Variants in FIBCD1 observed in about 807,000 individuals in gnomAD.
The protein encoded by FIBCD1 is fibrinogen C domain-containing protein 1.
A neutral mutation model predicts 45.1 loss-of-function variants in FIBCD1; 47 were observed. The observed-to-expected ratio is 1.04, with a 90% CI of 0.82 to 1.33. FIBCD1 has a LOEUF of 1.33. Ranked by LOEUF, FIBCD1 falls within the 40% of genes most tolerant of loss-of-function variation. FIBCD1 has a pLI of 0.00. For missense variants in FIBCD1, 653 were observed against 682.2 expected (o/e 0.96, Z 0.48); for synonymous variants, 313 against 308.1 (o/e 1.02, Z -0.17).
intron 5 of FIBCD1, among the ~76,000 whole-genome samples, chr9:130,906,483 A>T (rs1483875203): frequency 6.6e-6 from 1 of 152,160 alleles, no homozygotes; most frequent in Non-Finnish European, 1.5e-5. Flanking sequence ...AGGGACCAGG[A>T]GCAGCTACTG....
At chr9:130,935,460 C>G (rs1434949969) in intron 1 of FIBCD1, among the ~76,000 whole-genome samples, 1 of 152,234 alleles carries the variant, frequency 6.6e-6, no homozygotes, top group African/African-American at 2.4e-5. Flanking sequence ...AGGGAGGACG[C>G]ATTAACAAAG....
chr9:130,924,195 G>A, intron 3 of FIBCD1, 42 bp downstream of exon 3: 1 of 1,520,520 alleles, frequency 6.6e-7, no homozygotes, highest in African/African-American at 1.4e-5. Context: ...CCCAGAGCTG[G>A]GACCCGAGGC....
rs1208081910 is a variant in FIBCD1 at position 130,922,653 on chromosome 9, G to A, written c.849+1091C>T. Among the ~76,000 whole-genome samples, 3 of 152,012 alleles carry A rather than the reference G, an allele frequency of 2.0e-5. No homozygotes were observed. Among genetic ancestry groups the A allele is most frequent in the Non-Finnish European group, 2.9e-5 (2 of 68,022 alleles). ...CCCGTCCCTCTCCCCACTGCCCAAG[G>A]ATGCACACCGCCAAGTCACCTCTCC... On this transcript the variant is annotated intron_variant, in intron 4 of 6. Coordinates refer to ENST00000372338, the MANE Select transcript of FIBCD1 (RefSeq NM_032843.5). The surrounding 1 kb of genome is among the most constrained non-coding windows in gnomAD (Gnocchi z 4.5).
At chr9:130,924,132 G>T in intron 3 of FIBCD1, 105 bp downstream of exon 3, 1 of 1,403,782 alleles carries the variant, frequency 7.1e-7, no homozygotes. Context: ...TGGAAGTAGG[G>T]TCGGGCCCTG....
At chr9:130,935,348 A>C (rs1284505889) in intron 1 of FIBCD1, among the ~76,000 whole-genome samples, 3 of 152,126 alleles carry the variant, frequency 2.0e-5, no homozygotes, top group African/African-American at 7.2e-5. Context: ...CAGAAGAATC[A>C]TGTCTATTTC....
At chr9:130,916,800 C>A (rs1174845522) in intron 4 of FIBCD1, among the ~76,000 whole-genome samples, 1 of 151,714 alleles carries the variant, frequency 6.6e-6, no homozygotes, top group East Asian at 2.0e-4. Context: ...CCCCACTAGG[C>A]AAAAAGGGGT....
intron 1 of FIBCD1, among the ~76,000 whole-genome samples, 169 bp from the exon 2 acceptor site, chr9:130,930,215 C>G (rs1210234325): frequency 9.2e-5 from 14 of 152,122 alleles, no homozygotes; most frequent in Admixed American, 9.2e-4. Context: ...CAAGGGGAGA[C>G]AGAGAGACAG....
At chr9:130,908,568 C>T (rs1028105966) in intron 5 of FIBCD1, among the ~76,000 whole-genome samples, 39 of 152,308 alleles carry the variant, frequency 2.6e-4, no homozygotes, top group African/African-American at 9.4e-4. Context: ...CCTGCTGGGG[C>T]TCCCCCAACC....
In FIBCD1 at chr9:130,905,508, G is replaced by A. The variant is rs527914475; in HGVS notation, c.947-95C>T. The A allele has an allele frequency of 6.7e-6, 9 of 1,333,380 alleles. No homozygotes were observed. The South Asian group carries it at 1.3e-4, about 20-fold the overall frequency. 82.6% of individuals were successfully genotyped at this position (1,333,380 alleles called of 1,614,324 possible). A position where few individuals can be genotyped will look rare whatever the true frequency, so the allele number is the denominator to read the frequency against. Reference sequence around the variant, plus strand: ...AAATGACAGCTGAGCTCATGCAGTTGGGGACAGAAAGGGACAACCACCAAG... The same window carrying A: ...AAATGACAGCTGAGCTCATGCAGTTAGGGACAGAAAGGGACAACCACCAAG... On this transcript the variant is annotated intron_variant, in intron 5 of 6. Coordinates refer to ENST00000372338, the MANE Select transcript of FIBCD1 (RefSeq NM_032843.5).
chr9:130,929,917 C>CGACA lies in FIBCD1; in HGVS notation c.198_201dup (p.Val68CysfsTer29). 6.5e-7 allele frequency: 1 copy of CGACA among 1,549,184 alleles called. No individual in the cohort carries two copies. The highest frequency in any genetic ancestry group is 8.7e-7 in the Non-Finnish European group (1 of 1,146,374). The stretch of plus-strand genomic sequence containing the variant: ...TTGGCGCTGGCAGCCCCAGTGCTGA[C>CGACA]GACAGGTGGGGGCGCCGTGCCCGGC... On this transcript the variant is annotated frameshift_variant, in exon 2 of 7. Transcript: ENST00000372338. LOFTEE classifies it high-confidence loss of function.
intron 5 of FIBCD1, among the ~76,000 whole-genome samples, chr9:130,907,898 C>CAAAAAAAAAAAAAAAA (rs11301443): frequency 1.3e-5 from 1 of 78,710 alleles, no homozygotes; most frequent in Non-Finnish European, 2.7e-5. Context: ...GACTCTGTCT[C>CAAAAAAAAAAAAAAAA]AAAAAAAAAA....
At chr9:130,913,613 G>A (rs1832106077) in intron 4 of FIBCD1, among the ~76,000 whole-genome samples, 1 of 152,236 alleles carries the variant, frequency 6.6e-6, no homozygotes, top group Non-Finnish European at 1.5e-5. Context: ...AAAGTCCTCA[G>A]GAGTGACCGG....
intron 2 of FIBCD1, 108 bp downstream of exon 2, chr9:130,929,459 G>T: frequency 1.4e-6 from 2 of 1,387,118 alleles, no homozygotes; most frequent in Non-Finnish European, 1.9e-6. Flanking sequence ...CTTGTCTGGG[G>T]CCTTGGGGAT....
chr9:130,918,007 G>A (rs1418530224), intron 4 of FIBCD1, among the ~76,000 whole-genome samples: 1 of 152,150 alleles, frequency 6.6e-6, no homozygotes, highest in Non-Finnish European at 1.5e-5. Context: ...TGTGCTCGGG[G>A]CTCACAGGGA....
chr9:130,928,207 A>T (rs1832389095), intron 2 of FIBCD1, among the ~76,000 whole-genome samples: 1 of 151,964 alleles, frequency 6.6e-6, no homozygotes, highest in Non-Finnish European at 1.5e-5. Context: ...GTGAGCTGGC[A>T]CTCCTGGGCC....
At chr9:130,911,706 C>G (rs925430977) in intron 5 of FIBCD1, 86 bp downstream of exon 5, 1 of 1,258,116 alleles carries the variant, frequency 7.9e-7, no homozygotes, top group East Asian at 2.5e-5. Flanking sequence ...AGCCCAAACC[C>G]ATTCAGGGAG....
chr9:130,939,273 C>T (rs1235555525), upstream of FIBCD1: 1 of 152,174 alleles, frequency 6.6e-6, no homozygotes, highest in Non-Finnish European at 1.5e-5. Flanking sequence ...TTCGGCGTCT[C>T]CGGGGAGTGG....
At chr9:130,924,451 G>A in intron 2 of FIBCD1, 55 bp from the exon 3 acceptor site, 1 of 1,508,908 alleles carries the variant, frequency 6.6e-7, no homozygotes, top group Non-Finnish European at 9.0e-7. Flanking sequence ...GGGGTGGGGT[G>A]GCGCACATAG....
intron 4 of FIBCD1, among the ~76,000 whole-genome samples, chr9:130,918,738 C>T (rs1244583137): frequency 6.6e-6 from 1 of 152,216 alleles, no homozygotes; most frequent in Non-Finnish European, 1.5e-5. Context: ...CTGGGCAGTG[C>T]CCCCAGGGAG....
Sources: gnomAD v4.1 joint callset for allele counts (sites outside exome capture counted in the v4.1 genomes callset) on GRCh38, gnomAD v4.1.1 for gene constraint, Gnocchi (gnomAD v3.1) non-coding constraint, MANE v1.5 for transcripts, NCBI Gene and HGNC (gene_info 2026-07-23, HGNC 2026-07-21) for gene names.